COL7A1: variants seen among roughly 807,000 people sequenced by gnomAD.
The protein encoded by COL7A1 is collagen alpha-1(VII) chain.
In COL7A1, 296 loss-of-function variants were observed where a neutral mutation model predicts 456.2. The ratio of observed to expected loss-of-function variants is 0.65; its 90% CI spans 0.59 to 0.71. The LOEUF (loss-of-function observed/expected upper bound fraction) is 0.71, where lower values mean the gene tolerates loss of function less well. Ranked by LOEUF, COL7A1 falls within the 30% of genes least tolerant of loss-of-function variation. The probability of loss-of-function intolerance (pLI) is 0.00; values close to 1 mark genes in which losing one functional copy is unlikely to be tolerated. For synonymous variants in COL7A1, 1,464 were observed against 1,525.9 expected (o/e 0.96, Z 0.95); for missense variants, 3,441 against 4,017.2 (o/e 0.86, Z 3.88).
Position 48,586,206 on chromosome 3 carries a change from T to C in COL7A1, c.3591A>G (p.Pro1197=). The change falls in exon 28 of 119, where the codon CCA becomes CCG. Residue 1197 remains proline, a synonymous_variant. Coordinates refer to ENST00000681320, the MANE Select transcript of COL7A1 (RefSeq NM_000094.4). This position sits in a 1 kb window ranked among gnomAD's most constrained non-coding sequence, Gnocchi z 5.1. ...CCGGCGCCAAGCGACGCAGCTGCTC[T>C]GGGTCCGCTCCAGCCATTCCCAACA... ...VVMLGMAGAD[P]EQLRRLAPGM... is the part of the protein sequence containing the mutation. 1 of 1,613,460 alleles carries C rather than the reference T, an allele frequency of 6.2e-7. No individual in the cohort carries two copies. Among genetic ancestry groups the C allele is most frequent in the Non-Finnish European group, 8.5e-7 (1 of 1,180,038 alleles).
In COL7A1 at chr3:48,565,140, G is replaced by A. The variant is rs1400673583; in HGVS notation, c.8589C>T (p.Tyr2863=). The A allele has an allele frequency of 7.4e-6, 12 of 1,613,908 alleles. No individual in the cohort carries two copies. The highest frequency in any genetic ancestry group is 1.3e-5 in the African/African-American group (1 of 74,900). The change falls in exon 117 of 119, where the codon TAC becomes TAT. Residue 2863 remains tyrosine (Y), a synonymous_variant. Transcript: ENST00000681320. This position sits in a 1 kb window ranked among gnomAD's most constrained non-coding sequence, Gnocchi z 4.5. The stretch of plus-strand genomic sequence containing the variant: ...TATCCCAAGGAGCTTCAGGGTCCTG[G>A]TACTCCTCCACAGAATACTCGGAGT... The part of the protein sequence containing the change: ...SEYSEYSVEE[Y]QDPEAPWDSD...
At position 48,579,393 on chromosome 3, in the gene COL7A1, A is replaced by G; in HGVS notation, c.5283T>C (p.Gly1761=). The change falls in exon 61 of 119, where the codon GGT becomes GGC. Residue 1761 remains glycine, a synonymous_variant. Coordinates refer to ENST00000681320, the MANE Select transcript of COL7A1 (RefSeq NM_000094.4). This position sits in a 1 kb window ranked among gnomAD's most constrained non-coding sequence, Gnocchi z 4.4. ...RGPPGPQGDP[G]VRGPAGEKGD... ...CCTTTTCTCCTGCTGGGCCTCGGAC[A>G]CCTGGGTCCCCCTGGAGGGAACAGG... The G allele has an allele frequency of 6.2e-7, 1 of 1,614,094 alleles. No individual in the cohort carries two copies. Among genetic ancestry groups the G allele is most frequent in the Non-Finnish European group, 8.5e-7 (1 of 1,180,004 alleles).
Position 48,583,127 on chromosome 3 carries a change from C to T in COL7A1, c.4482G>A (p.Lys1494=). 1.2e-6 allele frequency: 2 copies of T among 1,613,986 alleles called. No homozygotes were observed. The change falls in exon 43 of 119, where the codon AAG becomes AAA. Residue 1494 remains lysine, a splice_region_variant and synonymous_variant. Transcript: ENST00000681320. The surrounding 1 kb of genome is among the most constrained non-coding windows in gnomAD (Gnocchi z 5.1). ...FPGPLGEAGE[K]GERGPPGPAG... ...TTGGCACCCCCCAGGTTGCACTTACCTTCTCTCCAGCCTCACCCAGGGGCC... is the reference window on the plus strand; with the variant it reads ...TTGGCACCCCCCAGGTTGCACTTACTTTCTCTCCAGCCTCACCCAGGGGCC...
chr3:48,575,658 C>T lies in COL7A1; in HGVS notation c.5947G>A (p.Asp1983Asn), dbSNP rs1233059082. The change falls in exon 73 of 119, where the codon GAC becomes AAC. Residue 1983 changes from aspartate to asparagine, a missense_variant. Asp to Asn is a conservative substitution (Grantham distance 23, BLOSUM62 1). This residue lies in a region of COL7A1 where 2,084 missense variants were observed against 2,501.3 expected (regional missense o/e 0.83). Coordinates refer to ENST00000681320, the MANE Select transcript of COL7A1 (RefSeq NM_000094.4). This position sits in a 1 kb window ranked among gnomAD's most constrained non-coding sequence, Gnocchi z 6.3. Reference sequence around the variant, plus strand: ...CCTGGGGGGCCCTGTTCGCCTGAGTCCCCCTTGGGGCCTCGACGCCGTTCG... The same window carrying T: ...CCTGGGGGGCCCTGTTCGCCTGAGTTCCCCTTGGGGCCTCGACGCCGTTCG... ...VPERRRGPKG[D>N]SGEQGPPGKE... 1.2e-6 allele frequency: 2 copies of T among 1,613,556 alleles called. No homozygotes were observed. The highest frequency in any genetic ancestry group is 1.1e-5 in the South Asian group (1 of 91,092).
chr3:48,571,902 T>C lies in COL7A1; in HGVS notation c.7068+99A>G. On this transcript the variant is annotated intron_variant, in intron 92 of 118. Transcript: ENST00000681320. This position sits in a 1 kb window ranked among gnomAD's most constrained non-coding sequence, Gnocchi z 4.6. ...TGGATGTTGGGACATGCAGCCCGAC[T>C]CAGGGGCTCAGACATGTGCCCCGGC... 1 of 1,435,222 alleles carries C rather than the reference T, an allele frequency of 7.0e-7. No individual in the cohort carries two copies. 88.9% of individuals were successfully genotyped at this position (1,435,222 alleles called of 1,614,324 possible).
rs2043731280 is a variant in COL7A1 at position 48,568,695 on chromosome 3, C to T, written c.7758+89G>A. On this transcript the variant is annotated intron_variant, in intron 104 of 118. Coordinates refer to ENST00000681320, the MANE Select transcript of COL7A1 (RefSeq NM_000094.4). The surrounding 1 kb of genome is among the most constrained non-coding windows in gnomAD (Gnocchi z 5.2). ...GGCCGGCAGCAAGGGAGCCAGAACC[C>T]CCAGCACTTAAGAGGACCCCCAGGA... The T allele has an allele frequency of 6.7e-7, 1 of 1,496,054 alleles. No homozygotes were observed. Among genetic ancestry groups the T allele is most frequent in the African/African-American group, 1.4e-5 (1 of 72,114 alleles). 92.7% of individuals were successfully genotyped at this position (1,496,054 alleles called of 1,614,324 possible). A position where few individuals can be genotyped will look rare whatever the true frequency, so the allele number is the denominator to read the frequency against.
rs752085489 is a variant in COL7A1 at position 48,579,166 on chromosome 3, GGGACAACCAGGCA to G, written c.5388+18_5388+30del. ...TCCTCATGTGAAGGGGTAGGGGAAG[GGGACAACCAGGCA>G]GGACTACCAAGACTCACATTCGGCC... On this transcript the variant is annotated intron_variant, in intron 62 of 118. Coordinates refer to ENST00000681320, the MANE Select transcript of COL7A1 (RefSeq NM_000094.4). The surrounding 1 kb of genome is among the most constrained non-coding windows in gnomAD (Gnocchi z 4.4). 2 of 1,610,894 alleles carry G rather than the reference GGGACAACCAGGCA, an allele frequency of 1.2e-6. No individual in the cohort carries two copies. The highest frequency in any genetic ancestry group is 1.7e-6 in the Non-Finnish European group (2 of 1,178,864).
chr3:48,565,262 G>T lies in COL7A1; in HGVS notation c.8528-61C>A. Reference sequence around the variant, plus strand: ...TGCTGGCCCCGGGGCAAGGTGGGCAGCACTGATTTCCACTGTGTGCACACA... The same window carrying T: ...TGCTGGCCCCGGGGCAAGGTGGGCATCACTGATTTCCACTGTGTGCACACA... On this transcript the variant is annotated intron_variant, in intron 116 of 118. Coordinates refer to ENST00000681320, the MANE Select transcript of COL7A1 (RefSeq NM_000094.4). The surrounding 1 kb of genome is among the most constrained non-coding windows in gnomAD (Gnocchi z 4.5). 1 of 1,541,158 alleles carries T rather than the reference G, an allele frequency of 6.5e-7. No individual in the cohort carries two copies. The highest frequency in any genetic ancestry group is 1.1e-5 in the South Asian group (1 of 87,660).
chr3:48,565,261 A>G lies in COL7A1; in HGVS notation c.8528-60T>C. 1 of 1,544,016 alleles carries G rather than the reference A, an allele frequency of 6.5e-7. No individual in the cohort carries two copies. Among genetic ancestry groups the G allele is most frequent in the East Asian group, 2.3e-5 (1 of 43,730 alleles). On this transcript the variant is annotated intron_variant, in intron 116 of 118. Transcript: ENST00000681320. This position sits in a 1 kb window ranked among gnomAD's most constrained non-coding sequence, Gnocchi z 4.5. ...CTGCTGGCCCCGGGGCAAGGTGGGC[A>G]GCACTGATTTCCACTGTGTGCACAC...
chr3:48,578,315 A>C lies in COL7A1; in HGVS notation c.5532+6T>G. 6.2e-7 allele frequency: 1 copy of C among 1,612,154 alleles called. No individual in the cohort carries two copies. The highest frequency in any genetic ancestry group is 8.5e-7 in the Non-Finnish European group (1 of 1,179,950). On this transcript the variant is annotated splice_donor_region_variant and intron_variant, in intron 65 of 118. Transcript: ENST00000681320. The surrounding 1 kb of genome is among the most constrained non-coding windows in gnomAD (Gnocchi z 4.7). Reference sequence around the variant, plus strand: ...GTTTCGCCGCAGCTGCCCTGGACACACTCACGTTTTTTCCATTCAGGCCAG... The same window carrying C: ...GTTTCGCCGCAGCTGCCCTGGACACCCTCACGTTTTTTCCATTCAGGCCAG...
chr3:48,572,461 A>G lies in COL7A1; in HGVS notation c.6937-40T>C. On this transcript the variant is annotated intron_variant, in intron 89 of 118. Transcript: ENST00000681320. This position sits in a 1 kb window ranked among gnomAD's most constrained non-coding sequence, Gnocchi z 4.6. ...AGGTCAGTGGGATTCCTTGGCCCCC[A>G]CCAGTTGACCCCCCCTCACTGGCAG... The G allele has an allele frequency of 6.2e-7, 1 of 1,612,168 alleles. No homozygotes were observed. Among genetic ancestry groups the G allele is most frequent in the East Asian group, 2.2e-5 (1 of 44,758 alleles).
At position 48,565,028 on chromosome 3, in the gene COL7A1, G is replaced by A. The variant is rs374925168; in HGVS notation, c.8621-48C>T. On this transcript the variant is annotated intron_variant, in intron 117 of 118. Coordinates refer to ENST00000681320, the MANE Select transcript of COL7A1 (RefSeq NM_000094.4). The surrounding 1 kb of genome is among the most constrained non-coding windows in gnomAD (Gnocchi z 4.5). ...GCAGGGTTTGTGGGAATCAGAGAGG[G>A]TTGAAAGGTCAGGGGGAGGTCAGCA... 2 of 1,613,442 alleles carry A rather than the reference G, an allele frequency of 1.2e-6. No individual in the cohort carries two copies. The highest frequency in any genetic ancestry group is 1.7e-6 in the Non-Finnish European group (2 of 1,179,456).
rs202160398 is a variant in COL7A1 at position 48,569,459 on chromosome 3, G to A, written c.7615-13C>T. On this transcript the variant is annotated splice_polypyrimidine_tract_variant and intron_variant, in intron 102 of 118. Coordinates refer to ENST00000681320, the MANE Select transcript of COL7A1 (RefSeq NM_000094.4). The surrounding 1 kb of genome is among the most constrained non-coding windows in gnomAD (Gnocchi z 4.9). ...GCCCTCGTTCACCCTGGGTTGGTTT[G>A]GGTAAGAAGTCACGGTAAGGGGCTG... 4.0e-5 allele frequency: 64 copies of A among 1,614,148 alleles called. 1 individual carries two copies. The African/African-American group carries it at 6.8e-4, about 17-fold the overall frequency.
Position 48,572,776 on chromosome 3 carries a change from C to T in COL7A1, c.6832-37G>A. On this transcript the variant is annotated intron_variant, in intron 87 of 118. Coordinates refer to ENST00000681320, the MANE Select transcript of COL7A1 (RefSeq NM_000094.4). The surrounding 1 kb of genome is among the most constrained non-coding windows in gnomAD (Gnocchi z 4.6). ...CAGCGTGAGGAACTCAGTGCCTCTCCACCACCACCCCTGCTGCCCCACTCC... is the reference window on the plus strand; with the variant it reads ...CAGCGTGAGGAACTCAGTGCCTCTCTACCACCACCCCTGCTGCCCCACTCC... 2 of 1,611,372 alleles carry T rather than the reference C, an allele frequency of 1.2e-6. No individual in the cohort carries two copies. The highest frequency in any genetic ancestry group is 8.5e-7 in the Non-Finnish European group (1 of 1,178,628).
chr3:48,572,090 T>A lies in COL7A1; in HGVS notation c.7023+37A>T. 2 of 1,613,740 alleles carry A rather than the reference T, an allele frequency of 1.2e-6. No homozygotes were observed. The highest frequency in any genetic ancestry group is 1.7e-6 in the Non-Finnish European group (2 of 1,179,892). ...AGGGGTGTCTGGACTGAGCCTTCTC[T>A]GCTCAGTAGTCAGGCCCCAGGGCCA... is the stretch of plus-strand genomic sequence containing the variant. On this transcript the variant is annotated intron_variant, in intron 91 of 118. Coordinates refer to ENST00000681320, the MANE Select transcript of COL7A1 (RefSeq NM_000094.4). This position sits in a 1 kb window ranked among gnomAD's most constrained non-coding sequence, Gnocchi z 4.6.
chr3:48,580,671 C>T lies in COL7A1; in HGVS notation c.4981-19G>A, dbSNP rs34186283. On this transcript the variant is annotated intron_variant, in intron 54 of 118. Transcript: ENST00000681320. The surrounding 1 kb of genome is among the most constrained non-coding windows in gnomAD (Gnocchi z 4.5). The stretch of plus-strand genomic sequence containing the variant: ...GTGCCCCCTAAGAAGAGCAGCTGGC[C>T]TGAGACAGACCCTCCCAATATTTTG... 5 of 1,613,528 alleles carry T rather than the reference C, an allele frequency of 3.1e-6. No homozygotes were observed. In the East Asian group the frequency reaches 1.1e-4, roughly 36 times the overall value.
At chr3:48,589,907 T>C (rs1559430393) in intron 16 of COL7A1, among the ~76,000 whole-genome samples, 189 bp from the exon 17 acceptor site, 1 of 151,982 alleles carries the variant, frequency 6.6e-6, no homozygotes, top group Non-Finnish European at 1.5e-5. Context: ...GAGGAGAAAG[T>C]GTAAATCTCA....
At position 48,579,366 on chromosome 3, in the gene COL7A1, C is replaced by T; in HGVS notation, c.5307+3G>A. The T allele has an allele frequency of 6.2e-7, 1 of 1,614,200 alleles. No homozygotes were observed. Among genetic ancestry groups the T allele is most frequent in the Non-Finnish European group, 8.5e-7 (1 of 1,180,032 alleles). Reference sequence around the variant, plus strand: ...GTCCTGAGAAACCCCCACACCCTCTCACCTTTTCTCCTGCTGGGCCTCGGA... The same window carrying T: ...GTCCTGAGAAACCCCCACACCCTCTTACCTTTTCTCCTGCTGGGCCTCGGA... On this transcript the variant is annotated splice_donor_region_variant and intron_variant, in intron 61 of 118. Coordinates refer to ENST00000681320, the MANE Select transcript of COL7A1 (RefSeq NM_000094.4). This position sits in a 1 kb window ranked among gnomAD's most constrained non-coding sequence, Gnocchi z 4.4.
Position 48,578,271 on chromosome 3 carries a change from T to G in COL7A1, c.5532+50A>C. The stretch of plus-strand genomic sequence containing the variant: ...GCTACAGATCTTGGCTGTGTAGGTG[T>G]GCTGGCGTTTCTTGGCAGGTTTCGC... On this transcript the variant is annotated intron_variant, in intron 65 of 118. Coordinates refer to ENST00000681320, the MANE Select transcript of COL7A1 (RefSeq NM_000094.4). The surrounding 1 kb of genome is among the most constrained non-coding windows in gnomAD (Gnocchi z 4.7). 6.2e-7 allele frequency: 1 copy of G among 1,609,562 alleles called. No homozygotes were observed. Among genetic ancestry groups the G allele is most frequent in the East Asian group, 2.2e-5 (1 of 44,850 alleles).
Sources: allele counts gnomAD v4.1 joint callset (sites outside exome capture counted in the v4.1 genomes callset), GRCh38; gene constraint gnomAD v4.1.1; regional missense constraint gnomAD v4.1.1; non-coding constraint Gnocchi (gnomAD v3.1); transcripts MANE v1.5; gene names NCBI Gene and HGNC (gene_info 2026-07-23, HGNC 2026-07-21).